Variants in BRF2 observed in about 807,000 individuals in gnomAD.
The protein encoded by BRF2 is transcription factor IIIB 50 kDa subunit.
A neutral mutation model predicts 26.6 loss-of-function variants in BRF2; 17 were observed. The observed-to-expected ratio is 0.64, with a 90% CI of 0.44 to 0.96. The LOEUF (loss-of-function observed/expected upper bound fraction) is 0.96. Among genes scored for constraint, BRF2 ranks in the 40% least tolerant of loss-of-function variants. BRF2 has a pLI of 0.00. For synonymous variants in BRF2, 219 were observed against 226.6 expected, an observed-to-expected ratio of 0.97 and a Z score of 0.30; for missense variants, 515 against 537.0, an observed-to-expected ratio of 0.96 and a Z score of 0.40.
Position 37,844,768 on chromosome 8 carries a change from C to T in BRF2, c.982G>A (p.Gly328Arg), listed in dbSNP as rs1281631611. The T allele has an allele frequency of 2.5e-6, 4 of 1,614,030 alleles. No homozygotes were observed. The highest frequency in any genetic ancestry group is 1.3e-5 in the African/African-American group (1 of 75,024). Residue 328 changes from glycine to arginine, a missense_variant, in exon 4 of 4, where the codon GGG becomes AGG. By Grantham distance (125) the Gly-to-Arg change is moderately radical. Transcript: ENST00000220659. Reference sequence around the variant, plus strand: ...CCTTCTCCTTGCCCCTGTCCCCACCCCGGTGGCTCCTTCTCTCGGGTCTCC... The same window carrying T: ...CCTTCTCCTTGCCCCTGTCCCCACCTCGGTGGCTCCTTCTCTCGGGTCTCC... ...EVETREKEPPGWGQGQGEGEV... is the reference protein window; with the variant it reads ...EVETREKEPPRWGQGQGEGEV...
Position 37,844,364 on chromosome 8 carries a change from GC to G in BRF2, c.*125del. ...GACCCAGGGTCCAACTAATGGCAGA[GC>G]CCCTCTTGGTTCCTTCAAACAAGAA... On this transcript the variant is annotated 3_prime_UTR_variant, in exon 4 of 4. Transcript: ENST00000220659. The G allele has an allele frequency of 3.1e-6, 4 of 1,277,014 alleles. No individual in the cohort carries two copies. Among genetic ancestry groups the G allele is most frequent in the Non-Finnish European group, 4.4e-6 (4 of 915,888 alleles). 79.1% of individuals were successfully genotyped at this position (1,277,014 alleles called of 1,614,324 possible).
At chr8:37,847,626 T>G (rs903664033) in intron 2 of BRF2, among the ~76,000 whole-genome samples, 1 of 152,144 alleles carries the variant, frequency 6.6e-6, no homozygotes, top group African/African-American at 2.4e-5. Flanking sequence ...TCCTTCCAGG[T>G]TTAAGTGATT....
In BRF2 at chr8:37,847,118, T is replaced by C; in HGVS notation, c.272A>G (p.Asp91Gly). The C allele has an allele frequency of 6.2e-7, 1 of 1,614,202 alleles. No homozygotes were observed. The highest frequency in any genetic ancestry group is 8.5e-7 in the Non-Finnish European group (1 of 1,180,022). The stretch of plus-strand genomic sequence containing the variant: ...CTGTTGGTAGTAGGCAACCGCGGTA[T>C]CCTCAAATGTTGGTGGCAACTGCAG... ...RVLQLPPTFEDTAVAYYQQAY... is the reference protein window; with the variant it reads ...RVLQLPPTFEGTAVAYYQQAY... The change falls in exon 3 of 4, where the codon GAT (aspartate) becomes GGT (glycine). Residue 91 changes from aspartate to glycine, a missense_variant. By Grantham distance (94) the Asp-to-Gly change is moderately conservative. Transcript: ENST00000220659.
chr8:37,845,872 G>A, intron 3 of BRF2: 1 of 587,050 alleles, frequency 1.7e-6, no homozygotes, highest in Non-Finnish European at 3.0e-6. Flanking sequence ...TTCCTCTGCA[G>A]ATGATCCTGC....
intron 3 of BRF2, among the ~76,000 whole-genome samples, chr8:37,846,517 G>A (rs1389506545): frequency 6.6e-6 from 1 of 152,196 alleles, no homozygotes; most frequent in East Asian, 1.9e-4. Flanking sequence ...AACTTTGGGA[G>A]GCCGAGGCAG....
At chr8:37,849,135 G>T (rs77724583) in intron 1 of BRF2, among the ~76,000 whole-genome samples, 34,433 of 151,868 alleles carry the variant, frequency 0.23, 4,028 homozygotes, top group Middle Eastern at 0.27. Context: ...CGTTACCAAG[G>T]CTGGTCTCGA....
chr8:37,844,945 G>C lies in BRF2; in HGVS notation c.805C>G (p.Leu269Val). The C allele has an allele frequency of 6.2e-7, 1 of 1,614,164 alleles. No homozygotes were observed. Among genetic ancestry groups the C allele is most frequent in the Non-Finnish European group, 8.5e-7 (1 of 1,180,044 alleles). ...PYPASSRLQE[L>V]LAVLLRMAEQ... ...GCCATCCGCAGCAGCACAGCCAGCAGCTCCTGCAGGCGGGAGGACGCCGGG... is the reference window on the plus strand; with the variant it reads ...GCCATCCGCAGCAGCACAGCCAGCACCTCCTGCAGGCGGGAGGACGCCGGG... Residue 269 changes from leucine to valine, a missense_variant, in exon 4 of 4, where the codon CTG (leucine) becomes GTG (valine). By Grantham distance (32) the Leu-to-Val change is conservative. Transcript: ENST00000220659.
chr8:37,847,147 T>C lies in BRF2; in HGVS notation c.243A>G (p.Arg81=). ...CAAATGTTGGTGGCAACTGCAGAAC[T>C]CGACAAAGGTCTCTCACTCGCCGGA... ...RGLRRVRDLC[R]VLQLPPTFED... Residue 81 remains arginine (R), a synonymous_variant, in exon 3 of 4, where the codon CGA becomes CGG. Transcript: ENST00000220659. 6.2e-7 allele frequency: 1 copy of C among 1,613,940 alleles called. No individual in the cohort carries two copies. The highest frequency in any genetic ancestry group is 8.5e-7 in the Non-Finnish European group (1 of 1,179,794).
At chr8:37,848,789 G>T in intron 1 of BRF2, 134 bp from the exon 2 acceptor site, 2 of 729,058 alleles carry the variant, frequency 2.7e-6, no homozygotes, top group Non-Finnish European at 5.0e-6. Flanking sequence ...GCCCCATCTG[G>T]TTTTCTATGT....
intron 3 of BRF2, 112 bp downstream of exon 3, chr8:37,846,742 G>A (rs1805964665): frequency 5.2e-6 from 4 of 775,650 alleles, no homozygotes; most frequent in Non-Finnish European, 8.5e-6. Flanking sequence ...ACTCCAGCCT[G>A]GGTGATAAGA....
Position 37,844,439 on chromosome 8 carries a change from G to C in BRF2, c.*51C>G, listed in dbSNP as rs761726764. ...ACACTTCCATCCTTGGTTATAACAG[G>C]AATGTTATCAAGCTGTCAGAACAGG... On this transcript the variant is annotated 3_prime_UTR_variant, in exon 4 of 4. Transcript: ENST00000220659. The C allele has an allele frequency of 6.3e-7, 1 of 1,583,594 alleles. No homozygotes were observed. Among genetic ancestry groups the C allele is most frequent in the Non-Finnish European group, 8.6e-7 (1 of 1,162,224 alleles).
In BRF2 at chr8:37,847,066, C is replaced by G. The variant is rs775102510; in HGVS notation, c.324G>C (p.Ala108=). The change falls in exon 3 of 4, where the codon GCG becomes GCC. Residue 108 remains alanine, a synonymous_variant. Coordinates refer to ENST00000220659, the MANE Select transcript of BRF2 (RefSeq NM_018310.4). ...ACACCTCCTTCTTTTGCAGCCTGGC[C>G]GCTCGGATGCCAGAGTGCCGATATG... ...QQAYRHSGIR[A]ARLQKKEVLV... 3 of 1,614,206 alleles carry G rather than the reference C, an allele frequency of 1.9e-6. No homozygotes were observed. The highest frequency in any genetic ancestry group is 1.3e-5 in the African/African-American group (1 of 75,056).
rs1805918500 is a variant in BRF2, at chr8:37,844,723, AG to A, written c.1026del (p.Leu343Ter). On this transcript the variant is annotated frameshift_variant, in exon 4 of 4. Coordinates refer to ENST00000220659, the MANE Select transcript of BRF2 (RefSeq NM_018310.4). LOFTEE classifies it high-confidence loss of function. ...GQGEGEVGNNSLGLPQGKRPA... is the reference protein window; with the variant it reads ...GQGEGEVGNNXLGLPQGKRPA... ...GGCCGCTTCCCCTGGGGTAAACCTA[AG>A]GAATTATTTCCCACCTCCCCTTCTC... 1 of 1,613,968 alleles carries A rather than the reference AG, an allele frequency of 6.2e-7. No individual in the cohort carries two copies. The highest frequency in any genetic ancestry group is 1.1e-5 in the South Asian group (1 of 91,084).
In BRF2 at chr8:37,847,565, A is replaced by G. The variant is rs150231812; in HGVS notation, c.215-390T>C. Among the ~76,000 whole-genome samples, 345 of 152,212 alleles carry G rather than the reference A, an allele frequency of 2.3e-3. 2 individuals are homozygous for G. The highest frequency in any genetic ancestry group is 8.0e-3 in the African/African-American group (334 of 41,546). On this transcript the variant is annotated intron_variant, in intron 2 of 3. Transcript: ENST00000220659. ...TATTTTCTGAGACAGAGTCTGGCTCAGTTGCCCAGGCTGAAGTGCAGTGGC... is the reference window on the plus strand; with the variant it reads ...TATTTTCTGAGACAGAGTCTGGCTCGGTTGCCCAGGCTGAAGTGCAGTGGC...
chr8:37,843,375 C>T lies in BRF2; in HGVS notation c.*1115G>A, dbSNP rs552409122. 3.9e-5 allele frequency: 6 copies of T among 152,420 alleles called. 1 individual carries two copies. The highest frequency in any genetic ancestry group is 1.4e-4 in the African/African-American group (6 of 41,580). The allele number at this position is 152,420 out of a possible 1,614,324, so 9.4% of individuals were successfully genotyped here. A position where few individuals can be genotyped will look rare whatever the true frequency, so the allele number is the denominator to read the frequency against. ...TCTCCAGCTCCACAGTAGAGAGAAA[C>T]CTACAAAATGTCAAACCAGCTTCCC... On this transcript the variant is annotated 3_prime_UTR_variant, in exon 4 of 4. Coordinates refer to ENST00000220659, the MANE Select transcript of BRF2 (RefSeq NM_018310.4).
chr8:37,849,488 C>T, intron 1 of BRF2, 142 bp downstream of exon 1: 2 of 678,036 alleles, frequency 2.9e-6, no homozygotes, highest in South Asian at 2.0e-5. Flanking sequence ...CCATCTCCTT[C>T]AGCTCCCTCG....
rs1279629724 is a variant in BRF2, at chr8:37,844,845, T to C, written c.905A>G (p.Gln302Arg). 2 of 1,614,176 alleles carry C rather than the reference T, an allele frequency of 1.2e-6. No homozygotes were observed. The highest frequency in any genetic ancestry group is 1.7e-6 in the Non-Finnish European group (2 of 1,180,046). ...AGAGCGGACCAGTGACTGGCGGTGC[T>C]GGAGAAGGTCACCGATGTGCTTCAC... ...SVVKHIGDLLQHRQSLVRSAF... is the reference protein window; with the variant it reads ...SVVKHIGDLLRHRQSLVRSAF... Residue 302 changes from glutamine (Q) to arginine (R), a missense_variant, in exon 4 of 4, where the codon CAG (glutamine) becomes CGG (arginine). Transcript: ENST00000220659.
rs767122787 is a variant in BRF2, at chr8:37,846,971, G to A, written c.419C>T (p.Thr140Met). The change falls in exon 3 of 4, where the codon ACG becomes ATG. Residue 140 changes from threonine to methionine, a missense_variant. Thr to Met is a moderately conservative substitution (Grantham distance 81, BLOSUM62 -1). Transcript: ENST00000220659. The part of the protein sequence containing the change: ...NWPLTMGAIC[T>M]LLYADLDVFS... ...CACATCCAAATCTGCATACAACAGC[G>A]TGCAGATGGCCCCCATTGTTAGGGG... The A allele has an allele frequency of 1.3e-5, 21 of 1,614,074 alleles. No homozygotes were observed. Among genetic ancestry groups the A allele is most frequent in the Admixed American group, 3.3e-5 (2 of 60,012 alleles).
At position 37,844,421 on chromosome 8, in the gene BRF2, C is replaced by T. The variant is rs866378460; in HGVS notation, c.*69G>A. The T allele has an allele frequency of 3.4e-5, 54 of 1,565,552 alleles. No individual in the cohort carries two copies. The African/African-American group carries it at 6.1e-4, about 18-fold the overall frequency. ...ATACCTACGGACTGGTGTACACTTC[C>T]ATCCTTGGTTATAACAGGAATGTTA... On this transcript the variant is annotated 3_prime_UTR_variant, in exon 4 of 4. Coordinates refer to ENST00000220659, the MANE Select transcript of BRF2 (RefSeq NM_018310.4).
Sources: allele counts gnomAD v4.1 joint callset (sites outside exome capture counted in the v4.1 genomes callset), GRCh38; gene constraint gnomAD v4.1.1; transcripts MANE v1.5; gene names NCBI Gene and HGNC (gene_info 2026-07-23, HGNC 2026-07-21).